SLC12A1: variants seen among roughly 807,000 people sequenced by gnomAD.
SLC12A1 encodes Na-K-2Cl cotransporter.
In SLC12A1, 89 loss-of-function variants were observed where a neutral mutation model predicts 130.4. That is an observed-to-expected ratio of 0.68 (90% CI 0.58 to 0.81). The LOEUF is 0.81. Among genes scored for constraint, SLC12A1 ranks in the 40% least tolerant of loss-of-function variants. SLC12A1 has a pLI of 0.00. For missense variants in SLC12A1, 1,310 were observed against 1,336.4 expected (o/e 0.98, Z 0.31); for synonymous variants, 499 against 460.0 (o/e 1.08, Z -1.09).
Position 48,267,702 on chromosome 15 carries a change from G to C in SLC12A1, c.2295+1G>C. ...GGATGGTGTCCGAAGTCTTCTTCAG[G>C]TAAGGCTGCATTGAGGGAATGAGCA... On this transcript the variant is annotated splice_donor_variant, in intron 18 of 26. Coordinates refer to ENST00000380993, the MANE Select transcript of SLC12A1 (RefSeq NM_000338.3). LOFTEE classifies it high-confidence loss of function. 3 of 1,613,148 alleles carry C rather than the reference G, an allele frequency of 1.9e-6. No individual in the cohort carries two copies. The South Asian group carries it at 3.3e-5, about 18-fold the overall frequency.
chr15:48,249,230 C>T (rs767635403), intron 13 of SLC12A1, among the ~76,000 whole-genome samples: 2 of 152,024 alleles, frequency 1.3e-5, no homozygotes, highest in Non-Finnish European at 2.9e-5. Context: ...CTACTTATTG[C>T]ATACATAACA....
intron 4 of SLC12A1, chr15:48,223,885 C>T (rs1485204516): frequency 6.6e-6 from 1 of 152,230 alleles, no homozygotes; most frequent in Non-Finnish European, 1.5e-5. Flanking sequence ...AAGTTTGCAG[C>T]CTGTGCTTAG....
chr15:48,277,741 TTGCTGGTTCATTA>T (rs2041968548), intron 20 of SLC12A1, among the ~76,000 whole-genome samples: 3 of 152,186 alleles, frequency 2.0e-5, no homozygotes, highest in African/African-American at 7.2e-5. Flanking sequence ...CATACTCTAT[TTGCTGGTTCATTA>T]TTGTCTACAT....
rs1050592266 is a variant in SLC12A1 at position 48,277,068 on chromosome 15, G to A, written c.2485+2415G>A. ...AGATGAACAAGCAGAGAATATGGAT[G>A]TAGCCAACCCTTCTGAGAAGCTTGG... On this transcript the variant is annotated intron_variant, in intron 20 of 26. Transcript: ENST00000380993. Among the ~76,000 whole-genome samples, 4 of 152,168 alleles carry A rather than the reference G, an allele frequency of 2.6e-5. No individual in the cohort carries two copies. In the South Asian group the frequency reaches 8.3e-4, roughly 32 times the overall value.
intron 17 of SLC12A1, among the ~76,000 whole-genome samples, chr15:48,262,371 G>A (rs961244767): frequency 1.3e-5 from 2 of 152,108 alleles, no homozygotes; most frequent in South Asian, 2.1e-4. Context: ...GGGAAAATGT[G>A]TGGCCACAGC....
intron 2 of SLC12A1, among the ~76,000 whole-genome samples, chr15:48,220,192 A>C (rs1316959023): frequency 6.9e-6 from 1 of 144,114 alleles, no homozygotes; most frequent in Non-Finnish European, 1.6e-5. Flanking sequence ...GATAAAATGA[A>C]GTACAGGGAG....
In SLC12A1 at chr15:48,232,884, G is replaced by T; in HGVS notation, c.1087+46G>T. On this transcript the variant is annotated intron_variant, in intron 8 of 26. Coordinates refer to ENST00000380993, the MANE Select transcript of SLC12A1 (RefSeq NM_000338.3). Reference sequence around the variant, plus strand: ...GCTTTTCATTAAATACTTCTCCATTGCCCTCCTCATCACCATCCCCATCAA... The same window carrying T: ...GCTTTTCATTAAATACTTCTCCATTTCCCTCCTCATCACCATCCCCATCAA... 4 of 1,141,432 alleles carry T rather than the reference G, an allele frequency of 3.5e-6. No individual in the cohort carries two copies. In the East Asian group the frequency reaches 7.0e-5, roughly 20 times the overall value. 70.7% of individuals were successfully genotyped at this position (1,141,432 alleles called of 1,614,324 possible).
intron 9 of SLC12A1, among the ~76,000 whole-genome samples, chr15:48,238,376 T>G (rs989509917): frequency 6.6e-6 from 1 of 152,156 alleles, no homozygotes; most frequent in Non-Finnish European, 1.5e-5. Flanking sequence ...GATGAGTTAA[T>G]GCAGGTATGT....
chr15:48,255,761 A>C (rs932587320), intron 15 of SLC12A1, 50 bp from the exon 16 acceptor site: 1 of 1,147,834 alleles, frequency 8.7e-7, no homozygotes, highest in Admixed American at 2.0e-5. Flanking sequence ...TTCATGGTGC[A>C]CAGAGGAAAG....
In SLC12A1 at chr15:48,299,750, C is replaced by T. The variant is rs371777361; in HGVS notation, c.3096+475C>T. ...ATGAATATGGAAGCTGGATCCAGCACACATTGTAAGATGGATGTAAAATGG... is the reference window on the plus strand; with the variant it reads ...ATGAATATGGAAGCTGGATCCAGCATACATTGTAAGATGGATGTAAAATGG... On this transcript the variant is annotated intron_variant, in intron 25 of 26. Coordinates refer to ENST00000380993, the MANE Select transcript of SLC12A1 (RefSeq NM_000338.3). Among the ~76,000 whole-genome samples the T allele has an allele frequency of 3.7e-4, 57 of 152,296 alleles. 1 individual carries two copies. In the East Asian group the frequency reaches 7.3e-3, roughly 20 times the overall value.
intron 9 of SLC12A1, 149 bp from the exon 10 acceptor site, chr15:48,241,366 G>T (rs1328866113): frequency 9.0e-6 from 6 of 670,170 alleles, no homozygotes; most frequent in Non-Finnish European, 1.6e-5. Context: ...TAAAGCTCAA[G>T]CTCATCAACT....
chr15:48,291,965 C>A (rs36036907), intron 24 of SLC12A1, 101 bp downstream of exon 24: 16 of 753,326 alleles, frequency 2.1e-5, no homozygotes, highest in Non-Finnish European at 3.6e-5. Flanking sequence ...TTTACTGCAG[C>A]GACTTCTTGA....
In SLC12A1 at chr15:48,229,192, G is replaced by T; in HGVS notation, c.728G>T (p.Gly243Val). The change falls in exon 6 of 27, where the codon GGG becomes GTG. Residue 243 changes from glycine (G) to valine (V), a missense_variant. Transcript: ENST00000380993. ...GTATGTTCATTTCTTGTTTCAGGTG[G>T]GGCCTACTATCTTATTTCCAGAAGT... is the stretch of plus-strand genomic sequence containing the variant. ...IATNGFVRGGGAYYLISRSLG... is the reference protein window; with the variant it reads ...IATNGFVRGGVAYYLISRSLG... The T allele has an allele frequency of 6.3e-7, 1 of 1,585,958 alleles. No homozygotes were observed. Among genetic ancestry groups the T allele is most frequent in the East Asian group, 2.3e-5 (1 of 44,036 alleles).
intron 16 of SLC12A1, among the ~76,000 whole-genome samples, chr15:48,257,359 C>G (rs1566844116): frequency 6.6e-6 from 1 of 152,160 alleles, no homozygotes; most frequent in African/African-American, 2.4e-5. Context: ...CCTCTTCTTA[C>G]AGATCTACTA....
chr15:48,229,366 T>C (rs1237091040), intron 6 of SLC12A1, 38 bp downstream of exon 6: 1 of 1,556,960 alleles, frequency 6.4e-7, no homozygotes, highest in Non-Finnish European at 8.7e-7. Flanking sequence ...CCAAGCAGCA[T>C]AATTTAGTTT....
chr15:48,287,400 A>G (rs1325049601), intron 21 of SLC12A1, among the ~76,000 whole-genome samples: 1 of 151,926 alleles, frequency 6.6e-6, no homozygotes, highest in Non-Finnish European at 1.5e-5. Flanking sequence ...AGATTCAAAT[A>G]GCTCAAATGG....
intron 17 of SLC12A1, among the ~76,000 whole-genome samples, chr15:48,264,691 G>A (rs1328437243): frequency 6.6e-6 from 1 of 151,846 alleles, no homozygotes; most frequent in Non-Finnish European, 1.5e-5. Flanking sequence ...TCCAACCAAA[G>A]CATCCATGAA....
chr15:48,249,152 G>T (rs933515681), intron 13 of SLC12A1, among the ~76,000 whole-genome samples: 9 of 152,292 alleles, frequency 5.9e-5, no homozygotes, highest in African/African-American at 1.7e-4. Context: ...CACATATTGG[G>T]CCTATGCAGG....
chr15:48,212,650 C>G (rs901923060), intron 2 of SLC12A1, among the ~76,000 whole-genome samples: 1 of 152,094 alleles, frequency 6.6e-6, no homozygotes, highest in African/African-American at 2.4e-5. Flanking sequence ...TACTAACCAC[C>G]ATTGTTGTTA....
Sources: gnomAD v4.1 joint callset for allele counts (sites outside exome capture counted in the v4.1 genomes callset) on GRCh38, gnomAD v4.1.1 for gene constraint, MANE v1.5 for transcripts, NCBI Gene and HGNC (gene_info 2026-07-23, HGNC 2026-07-21) for gene names.